Variants in PTPRD observed in about 807,000 individuals in gnomAD.
PTPRD encodes the protein protein tyrosine phosphatase receptor type D.
Under a neutral mutation model 214.5 loss-of-function variants are expected in PTPRD, and 34 were observed. That is an observed-to-expected ratio of 0.16 (90% confidence interval 0.12 to 0.21). The LOEUF is 0.21. Ranked by LOEUF, PTPRD falls within the 10% of genes least tolerant of loss-of-function variation. PTPRD has a pLI of 1.00. For missense variants in PTPRD, 2,545 were observed against 2,398.7 expected (o/e 1.06, Z -1.27); for synonymous variants, 1,128 against 845.7 (o/e 1.33, Z -5.79).
chr9:9,897,156 A>T (rs866229440), intron 5 of PTPRD, among the ~76,000 whole-genome samples: 2 of 126,362 alleles, frequency 1.6e-5, no homozygotes, highest in African/African-American at 2.9e-5. Flanking sequence ...ACACACACAC[A>T]CACACCGCTG....
At chr9:8,357,684 G>A (rs566976002) in intron 39 of PTPRD, among the ~76,000 whole-genome samples, 70 of 152,110 alleles carry the variant, frequency 4.6e-4, no homozygotes, top group Non-Finnish European at 9.6e-4. Context: ...ATCCCTTTTC[G>A]GGGCCAATAA....
intron 5 of PTPRD, among the ~76,000 whole-genome samples, chr9:9,865,291 T>C (rs1265372388): frequency 6.6e-6 from 1 of 152,208 alleles, no homozygotes; most frequent in Non-Finnish European, 1.5e-5. Flanking sequence ...TGTGGCAGTA[T>C]TGAGAGGCGG....
chr9:8,593,865 A>G (rs1594793982), intron 14 of PTPRD, among the ~76,000 whole-genome samples: 1 of 152,300 alleles, frequency 6.6e-6, no homozygotes, highest in East Asian at 1.9e-4. Context: ...GAGAACTTCC[A>G]TCTTTTCTTT....
chr9:10,516,944 G>A (rs532484174), intron 2 of PTPRD, among the ~76,000 whole-genome samples: 2 of 151,788 alleles, frequency 1.3e-5, no homozygotes, highest in South Asian at 2.1e-4. Flanking sequence ...GTGTCTTTAT[G>A]TTTGTACCAT....
At position 8,721,667 on chromosome 9, in the gene PTPRD, C is replaced by G. The variant is rs1271730762; in HGVS notation, c.64+12113G>C. Among the ~76,000 whole-genome samples the G allele has an allele frequency of 3.3e-5, 5 of 152,138 alleles. No individual in the cohort carries two copies. The East Asian group carries it at 9.6e-4, about 29-fold the overall frequency. On this transcript the variant is annotated intron_variant, in intron 12 of 45. Transcript: ENST00000381196. ...CTTACATTGCTTAACCTGCTTTTGT[C>G]TTTACAGCAATCCTATAATTATCAT... is the stretch of plus-strand genomic sequence containing the variant.
intron 4 of PTPRD, among the ~76,000 whole-genome samples, chr9:10,028,989 C>G (rs577543901): frequency 6.6e-6 from 1 of 152,058 alleles, no homozygotes; most frequent in Non-Finnish European, 1.5e-5. Context: ...GGGCTGTGTG[C>G]CGCCTAGGGA....
chr9:8,942,547 T>C (rs1363284506), intron 11 of PTPRD, among the ~76,000 whole-genome samples: 1 of 152,088 alleles, frequency 6.6e-6, no homozygotes, highest in Non-Finnish European at 1.5e-5. Context: ...GAAATTAAAA[T>C]AACAGCAGTT....
intron 4 of PTPRD, among the ~76,000 whole-genome samples, chr9:10,009,454 A>AT (rs1314889046): frequency 1.3e-5 from 2 of 151,886 alleles, no homozygotes; most frequent in African/African-American, 2.4e-5. Flanking sequence ...GGATTCACAG[A>AT]TTTTTTCATT....
At chr9:9,194,713 T>C (rs2099937242) in intron 9 of PTPRD, among the ~76,000 whole-genome samples, 1 of 152,140 alleles carries the variant, frequency 6.6e-6, no homozygotes, top group Non-Finnish European at 1.5e-5. Context: ...CTTGTTGAAA[T>C]AGGGCGCTGG....
At chr9:8,694,392 C>T (rs2097864751) in intron 12 of PTPRD, among the ~76,000 whole-genome samples, 1 of 151,880 alleles carries the variant, frequency 6.6e-6, no homozygotes, top group African/African-American at 2.4e-5. Context: ...ATACTGATAA[C>T]ATTCATACAA....
At chr9:10,059,079 G>A (rs2097709747) in intron 3 of PTPRD, among the ~76,000 whole-genome samples, 1 of 152,098 alleles carries the variant, frequency 6.6e-6, no homozygotes, top group South Asian at 2.1e-4. Context: ...GTGGATCAGT[G>A]AGAATGTGTA....
chr9:8,972,447 T>A (rs996277673), intron 11 of PTPRD, among the ~76,000 whole-genome samples: 2 of 151,230 alleles, frequency 1.3e-5, no homozygotes, highest in African/African-American at 4.9e-5. Flanking sequence ...TACATACTAA[T>A]TGTCTTAGAA....
At position 8,587,179 on chromosome 9, in the gene PTPRD, C is replaced by T. The variant is rs1005468945; in HGVS notation, c.352+46138G>A. Among the ~76,000 whole-genome samples the T allele has an allele frequency of 6.6e-5, 10 of 152,094 alleles. 1 individual carries two copies. The East Asian group carries it at 1.2e-3, about 18-fold the overall frequency. On this transcript the variant is annotated intron_variant, in intron 14 of 45. Transcript: ENST00000381196. The stretch of plus-strand genomic sequence containing the variant: ...AACAAACAAACGAACACAAAAAGAA[C>T]GGAAGCCTAGAAATATTAAGAGACC...
chr9:8,971,672 G>A lies in PTPRD; in HGVS notation c.-104+47025C>T, dbSNP rs183300769. On this transcript the variant is annotated intron_variant, in intron 11 of 45. Coordinates refer to ENST00000381196, the MANE Select transcript of PTPRD (RefSeq NM_002839.4). ...GTATGGGGAAATCATCCTATCTAAC[G>A]AGATGACAGACAATGAAGTCAAACA... Among the ~76,000 whole-genome samples, 9 of 151,484 alleles carry A rather than the reference G, an allele frequency of 5.9e-5. No individual in the cohort carries two copies. The South Asian group carries it at 6.2e-4, about 11-fold the overall frequency.
intron 11 of PTPRD, chr9:8,963,064 A>G (rs1358223792): frequency 6.6e-6 from 1 of 152,152 alleles, no homozygotes; most frequent in Non-Finnish European, 1.5e-5. Context: ...ACATCAATGA[A>G]AATGAATAAA....
intron 2 of PTPRD, among the ~76,000 whole-genome samples, chr9:10,596,729 G>A (rs1394570340): frequency 6.6e-6 from 1 of 151,518 alleles, no homozygotes; most frequent in East Asian, 1.9e-4. Flanking sequence ...TTAAAGAGAA[G>A]AAATTTACTT....
chr9:8,967,119 A>G (rs10739179), intron 11 of PTPRD, among the ~76,000 whole-genome samples: 106,084 of 151,456 alleles, frequency 0.7, 37,625 homozygotes, highest in East Asian at 0.85. Flanking sequence ...AGTCAGAATG[A>G]CAATTATTAA....
intron 14 of PTPRD, among the ~76,000 whole-genome samples, chr9:8,570,454 G>A (rs1411116426): frequency 6.6e-6 from 1 of 152,082 alleles, no homozygotes; most frequent in Non-Finnish European, 1.5e-5. Flanking sequence ...AAGCTTTCAA[G>A]AGTCAATGAG....
chr9:9,639,592 T>A (rs1036519436), intron 7 of PTPRD, among the ~76,000 whole-genome samples: 1 of 152,208 alleles, frequency 6.6e-6, no homozygotes, highest in Non-Finnish European at 1.5e-5. Context: ...TTTCTCTCAT[T>A]CTATAAAGAT....
Sources: gnomAD v4.1 joint callset for allele counts (sites outside exome capture counted in the v4.1 genomes callset) on GRCh38, gnomAD v4.1.1 for gene constraint, MANE v1.5 for transcripts, NCBI Gene and HGNC (gene_info 2026-07-23, HGNC 2026-07-21) for gene names.